Variants in PIK3R5 observed in about 807,000 individuals in gnomAD.
PIK3R5 encodes the protein phosphoinositide-3-kinase regulatory subunit 5, also known as phosphoinositide 3-kinase regulatory subunit 5.
A neutral mutation model predicts 94.9 loss-of-function variants in PIK3R5; 32 were observed. The ratio of observed to expected loss-of-function variants is 0.34; its 90% CI spans 0.25 to 0.45. The LOEUF (loss-of-function observed/expected upper bound fraction) is 0.45, where lower values mean the gene tolerates loss of function less well. PIK3R5 is among the 20% of genes least tolerant of loss of function. PIK3R5 has a pLI of 1.00. For synonymous variants in PIK3R5, 443 were observed against 479.4 expected (o/e 0.92, Z 0.99); for missense variants, 853 against 1,144.6 (o/e 0.75, Z 3.68).
In PIK3R5 at chr17:8,890,345, G is replaced by A. The variant is rs2089991978; in HGVS notation, c.658-219C>T. Among the ~76,000 whole-genome samples the A allele has an allele frequency of 6.6e-6, 1 of 152,190 alleles. No homozygotes were observed. Among genetic ancestry groups the A allele is most frequent in the African/African-American group, 2.4e-5 (1 of 41,442 alleles). ...AAAGATCCAGAGCCACGGCACTGCA[G>A]TTAGGAGGGACTTCAGCGCTCCTCA... On this transcript the variant is annotated intron_variant, in intron 7 of 18. Transcript: ENST00000447110. The surrounding 1 kb of genome is among the most constrained non-coding windows in gnomAD (Gnocchi z 6.1).
chr17:8,945,601 A>C lies in PIK3R5; in HGVS notation c.-14+19995T>G, dbSNP rs778881201. The stretch of plus-strand genomic sequence containing the variant: ...CATCTCAAATCCACCGTAGTCCAGA[A>C]ACAACACAAAATGAGAACTCCTCCC... On this transcript the variant is annotated intron_variant, in intron 1 of 18. Coordinates refer to ENST00000447110, the MANE Select transcript of PIK3R5 (RefSeq NM_001142633.3). This position sits in a 1 kb window ranked among gnomAD's most constrained non-coding sequence, Gnocchi z 4.0. 6.6e-6 allele frequency among the ~76,000 whole-genome samples: 1 copy of C among 152,196 alleles called. No homozygotes were observed. Among genetic ancestry groups the C allele is most frequent in the Non-Finnish European group, 1.5e-5 (1 of 68,034 alleles).
chr17:8,916,255 G>A (rs953163000), intron 1 of PIK3R5: 3 of 152,314 alleles, frequency 2.0e-5, no homozygotes, highest in Admixed American at 2.0e-4. Context: ...TTCCGTCTGA[G>A]TCAGTCATCA....
intron 1 of PIK3R5, among the ~76,000 whole-genome samples, chr17:8,949,933 A>G (rs2091346461): frequency 6.6e-6 from 1 of 152,184 alleles, no homozygotes; most frequent in African/African-American, 2.4e-5. Flanking sequence ...TTTAAGTGGA[A>G]TTTTTTAAAG....
intron 5 of PIK3R5, among the ~76,000 whole-genome samples, chr17:8,900,272 G>A (rs1347661071): frequency 6.6e-6 from 1 of 152,114 alleles, no homozygotes; most frequent in East Asian, 1.9e-4. Context: ...CTAACTTTGA[G>A]TCTTACTCTA....
intron 3 of PIK3R5, 145 bp downstream of exon 3, chr17:8,908,929 G>A (rs375912160): frequency 1.4e-5 from 8 of 591,376 alleles, no homozygotes; most frequent in East Asian, 2.8e-5. Flanking sequence ...AAGTGCTACC[G>A]AAACACAAAA....
intron 1 of PIK3R5, chr17:8,916,323 G>A (rs2090628831): frequency 6.6e-6 from 1 of 152,222 alleles, no homozygotes; most frequent in Admixed American, 6.5e-5. Flanking sequence ...GGTGAGGGGG[G>A]AAGACAGTGG....
chr17:8,930,510 G>A (rs148159876), intron 1 of PIK3R5, among the ~76,000 whole-genome samples: 32 of 152,260 alleles, frequency 2.1e-4, no homozygotes, highest in African/African-American at 7.5e-4. Flanking sequence ...CAGCAATTGT[G>A]CTCCTGAGCG....
At chr17:8,927,021 TAAG>T (rs1390584789) in intron 1 of PIK3R5, among the ~76,000 whole-genome samples, 7 of 151,754 alleles carry the variant, frequency 4.6e-5, no homozygotes, top group Admixed American at 2.0e-4. Context: ...AAAACTAACA[TAAG>T]AGACCCTGAA....
intron 1 of PIK3R5, among the ~76,000 whole-genome samples, chr17:8,914,098 C>T (rs1474956293): frequency 1.3e-5 from 2 of 152,224 alleles, no homozygotes; most frequent in Admixed American, 6.5e-5. Context: ...GACACCTTCA[C>T]ATGGATGAGC....
intron 5 of PIK3R5, among the ~76,000 whole-genome samples, chr17:8,897,062 T>TG (rs1043736697): frequency 2.0e-5 from 3 of 152,276 alleles, no homozygotes; most frequent in Non-Finnish European, 4.4e-5. Context: ...CCCTCCTCAC[T>TG]GGGGGTCCCA....
Position 8,890,912 on chromosome 17 carries a change from G to C in PIK3R5, c.483C>G (p.Val161=), listed in dbSNP as rs1357630861. 3 of 1,613,320 alleles carry C rather than the reference G, an allele frequency of 1.9e-6. No individual in the cohort carries two copies. Among genetic ancestry groups the C allele is most frequent in the East Asian group, 2.2e-5 (1 of 44,876 alleles). The part of the protein sequence containing the change: ...LPIRSHRSST[V]TVLLLNPVEV... ...CCACTGGGTTCAGCAGCAGCACGGT[G>C]CTGGGGACACAGGGGACCGGCTATG... Residue 161 remains valine, a splice_region_variant and synonymous_variant, in exon 7 of 19, where the codon GTC becomes GTG. Transcript: ENST00000447110. The surrounding 1 kb of genome is among the most constrained non-coding windows in gnomAD (Gnocchi z 6.1).
rs928677674 is a variant in PIK3R5, at chr17:8,909,502, T to C, written c.104-328A>G. Reference sequence around the variant, plus strand: ...TGGGGTTTCACCATGTTGGCCAAGATGGTCTCGATCTCCTGACCTCGTGAT... The same window carrying C: ...TGGGGTTTCACCATGTTGGCCAAGACGGTCTCGATCTCCTGACCTCGTGAT... On this transcript the variant is annotated intron_variant, in intron 2 of 18. Coordinates refer to ENST00000447110, the MANE Select transcript of PIK3R5 (RefSeq NM_001142633.3). This position sits in a 1 kb window ranked among gnomAD's most constrained non-coding sequence, Gnocchi z 4.3. 3.3e-5 allele frequency among the ~76,000 whole-genome samples: 5 copies of C among 152,154 alleles called. No individual in the cohort carries two copies. The highest frequency in any genetic ancestry group is 1.2e-4 in the African/African-American group (5 of 41,462).
chr17:8,932,338 A>G (rs754913264), intron 1 of PIK3R5, among the ~76,000 whole-genome samples: 5 of 151,996 alleles, frequency 3.3e-5, no homozygotes, highest in Non-Finnish European at 7.4e-5. Context: ...GGTTTAAGCA[A>G]TTCTCCTGGC....
Position 8,890,849 on chromosome 17 carries a change from C to G in PIK3R5, c.546G>C (p.Leu182=). 1.9e-6 allele frequency: 3 copies of G among 1,613,708 alleles called. No individual in the cohort carries two copies. The highest frequency in any genetic ancestry group is 2.5e-6 in the Non-Finnish European group (3 of 1,179,876). ...QAEFLAVANK[L]STPGHSPHSA... ...TGTGAGGCGAGTGTCCGGGCGTACT[C>G]AGCTTATTGGCTACAGCAAGGAACT... Residue 182 remains leucine (L), a synonymous_variant, in exon 7 of 19, where the codon CTG becomes CTC. Transcript: ENST00000447110. This position sits in a 1 kb window ranked among gnomAD's most constrained non-coding sequence, Gnocchi z 6.1.
intron 1 of PIK3R5, among the ~76,000 whole-genome samples, chr17:8,923,207 T>C (rs2090789848): frequency 6.6e-6 from 1 of 152,094 alleles, no homozygotes; most frequent in African/African-American, 2.4e-5. Flanking sequence ...TAAAAGACTT[T>C]CCCAAGGACA....
At chr17:8,942,698 C>G (rs185642013) in intron 1 of PIK3R5, among the ~76,000 whole-genome samples, 1 of 151,880 alleles carries the variant, frequency 6.6e-6, no homozygotes, top group East Asian at 1.9e-4. Flanking sequence ...CTCCGCCTCC[C>G]GGGTTCACGC....
chr17:8,902,252 T>G (rs2090301538), intron 5 of PIK3R5, among the ~76,000 whole-genome samples: 1 of 136,864 alleles, frequency 7.3e-6, no homozygotes. Flanking sequence ...TATATTAATT[T>G]TTTTTTTTTT....
rs1415131064 is a variant in PIK3R5, at chr17:8,909,944, G to A, written c.104-770C>T. On this transcript the variant is annotated intron_variant, in intron 2 of 18. Coordinates refer to ENST00000447110, the MANE Select transcript of PIK3R5 (RefSeq NM_001142633.3). This position sits in a 1 kb window ranked among gnomAD's most constrained non-coding sequence, Gnocchi z 4.3. ...GCAAGACTGAGTCTACAGCAGCCAT[G>A]GAGCTTCCCAGGAATGGCAATGGAG... is the stretch of plus-strand genomic sequence containing the variant. Among the ~76,000 whole-genome samples, 1 of 152,224 alleles carries A rather than the reference G, an allele frequency of 6.6e-6. No homozygotes were observed. The highest frequency in any genetic ancestry group is 6.5e-5 in the Admixed American group (1 of 15,284).
intron 1 of PIK3R5, among the ~76,000 whole-genome samples, chr17:8,942,840 T>C (rs1330451653): frequency 6.6e-6 from 1 of 151,946 alleles, no homozygotes; most frequent in Non-Finnish European, 1.5e-5. Context: ...TCTCCTGACC[T>C]CATGATCCGC....
Sources: gnomAD v4.1 joint callset for allele counts (sites outside exome capture counted in the v4.1 genomes callset) on GRCh38, gnomAD v4.1.1 for gene constraint, Gnocchi (gnomAD v3.1) non-coding constraint, MANE v1.5 for transcripts, NCBI Gene and HGNC (gene_info 2026-07-23, HGNC 2026-07-21) for gene names.